Variants in TRIM9 observed in about 807,000 individuals in gnomAD.
TRIM9 encodes the protein E3 ubiquitin-protein ligase TRIM9.
A neutral mutation model predicts 78.3 loss-of-function variants in TRIM9; 26 were observed. That is an observed-to-expected ratio of 0.33 (90% CI 0.24 to 0.46). The LOEUF is 0.46. TRIM9 is among the 20% of genes least tolerant of loss of function. TRIM9 has a pLI of 1.00. For synonymous variants in TRIM9, 398 were observed against 416.5 expected, an observed-to-expected ratio of 0.96 and a Z score of 0.54; for missense variants, 787 against 1,036.4, an observed-to-expected ratio of 0.76 and a Z score of 3.30.
chr14:51,077,502 C>T (rs2062910520), intron 1 of TRIM9, among the ~76,000 whole-genome samples: 1 of 148,506 alleles, frequency 6.7e-6, no homozygotes, highest in Non-Finnish European at 1.5e-5. Flanking sequence ...AAGCAATTCT[C>T]CTGCCTCAGA....
chr14:51,031,165 A>AAG (rs35783894), intron 1 of TRIM9, among the ~76,000 whole-genome samples: 2 of 145,392 alleles, frequency 1.4e-5, no homozygotes, highest in Non-Finnish European at 3.1e-5. Context: ...AAAAAAAAAA[A>AAG]GAAAGAAAAG....
intron 1 of TRIM9, 98 bp downstream of exon 1, chr14:51,094,020 C>A: frequency 3.2e-6 from 4 of 1,265,014 alleles, no homozygotes; most frequent in Non-Finnish European, 3.3e-6. Context: ...ATTGCGCCCC[C>A]ACTGGGATGC....
intron 7 of TRIM9, among the ~76,000 whole-genome samples, chr14:50,987,682 T>C (rs1297523082): frequency 1.3e-5 from 2 of 152,214 alleles, no homozygotes; most frequent in African/African-American, 2.4e-5. Context: ...TTGAGTGTAA[T>C]AGAAAAATTC....
At position 50,986,038 on chromosome 14, in the gene TRIM9, G is replaced by T; in HGVS notation, c.1710C>A (p.Phe570Leu). Residue 570 changes from phenylalanine (F) to leucine (L), a missense_variant, in exon 8 of 13, where the codon TTC becomes TTA. By Grantham distance (22) the Phe-to-Leu change is conservative. Coordinates refer to ENST00000684578, the MANE Select transcript of TRIM9 (RefSeq NM_001387360.1). ...FSSTLNLQPSFPGRSYFDFRS... is the reference protein window; with the variant it reads ...FSSTLNLQPSLPGRSYFDFRS... Reference sequence around the variant, plus strand: ...GGAAATCAAAGTAGGATCTCCCGGGGAAGCTGGGTTGTAGATTAAGGGTGG... The same window carrying T: ...GGAAATCAAAGTAGGATCTCCCGGGTAAGCTGGGTTGTAGATTAAGGGTGG... The T allele has an allele frequency of 6.5e-7, 1 of 1,549,902 alleles. No individual in the cohort carries two copies. The highest frequency in any genetic ancestry group is 8.7e-7 in the Non-Finnish European group (1 of 1,146,630).
At position 51,042,958 on chromosome 14, in the gene TRIM9, A is replaced by T. The variant is rs114053151; in HGVS notation, c.823-17598T>A. Among the ~76,000 whole-genome samples the T allele has an allele frequency of 5.0e-3, 756 of 152,338 alleles. 9 individuals carry two copies. Among genetic ancestry groups the T allele is most frequent in the African/African-American group, 0.017 (722 of 41,578 alleles). Reference sequence around the variant, plus strand: ...TATATACATATACATACATGTCTCTATATATCTATTCCTGGCATAAAATGT... The same window carrying T: ...TATATACATATACATACATGTCTCTTTATATCTATTCCTGGCATAAAATGT... On this transcript the variant is annotated intron_variant, in intron 1 of 12. Coordinates refer to ENST00000684578, the MANE Select transcript of TRIM9 (RefSeq NM_001387360.1).
chr14:51,085,066 C>T (rs1051086767), intron 1 of TRIM9, among the ~76,000 whole-genome samples: 2 of 152,146 alleles, frequency 1.3e-5, no homozygotes, highest in African/African-American at 2.4e-5. Context: ...TGATAGACAG[C>T]GCAGGCCAGA....
chr14:51,072,655 CTTT>C (rs147528947), intron 1 of TRIM9, among the ~76,000 whole-genome samples: 14 of 149,340 alleles, frequency 9.4e-5, no homozygotes, highest in East Asian at 8.0e-4. Context: ...CAATTTATTA[CTTT>C]TTTTTTTTTT....
At chr14:51,046,878 A>G (rs1203247854) in intron 1 of TRIM9, among the ~76,000 whole-genome samples, 1 of 152,264 alleles carries the variant, frequency 6.6e-6, no homozygotes, top group African/African-American at 2.4e-5. Context: ...TGCTTGGCAT[A>G]TCTTAAATGC....
chr14:50,983,070 T>C, intron 9 of TRIM9, 105 bp from the exon 10 acceptor site: 2 of 1,129,380 alleles, frequency 1.8e-6, no homozygotes, highest in African/African-American at 3.1e-5. Flanking sequence ...CCAAAAGGAC[T>C]CAATTTAAAA....
At chr14:51,079,843 G>A (rs1361139184) in intron 1 of TRIM9, among the ~76,000 whole-genome samples, 1 of 152,194 alleles carries the variant, frequency 6.6e-6, no homozygotes, top group Admixed American at 6.5e-5. Context: ...AGATGACCAG[G>A]AGGGAAGGCA....
At chr14:50,982,187 C>T (rs1008907986) in intron 10 of TRIM9, 84 bp from the exon 11 acceptor site, 26 of 1,485,314 alleles carry the variant, frequency 1.8e-5, no homozygotes, top group South Asian at 2.6e-5. Context: ...GGGTGAGGAG[C>T]GTTGTGTAGC....
At chr14:51,000,999 A>C (rs2054912239) in intron 5 of TRIM9, among the ~76,000 whole-genome samples, 159 bp from the exon 6 acceptor site, 1 of 152,150 alleles carries the variant, frequency 6.6e-6, no homozygotes, top group Admixed American at 6.5e-5. Flanking sequence ...CCCAGGAGTC[A>C]GACTGGCTCC....
chr14:51,082,824 T>C (rs2063422935), intron 1 of TRIM9, among the ~76,000 whole-genome samples: 2 of 152,182 alleles, frequency 1.3e-5, no homozygotes, highest in Admixed American at 6.5e-5. Context: ...CACCTCAACT[T>C]TGTCAGGAGG....
intron 3 of TRIM9, among the ~76,000 whole-genome samples, chr14:51,015,510 T>C (rs113704583): frequency 0.023 from 1,381 of 59,604 alleles, 21 homozygotes; most frequent in African/African-American, 0.073. Flanking sequence ...CTTTTCTTTT[T>C]TTTTTTTTTT....
rs190526467 is a variant in TRIM9 at position 50,982,765 on chromosome 14, C to T, written c.1858+177G>A. On this transcript the variant is annotated intron_variant, in intron 10 of 12. Coordinates refer to ENST00000684578, the MANE Select transcript of TRIM9 (RefSeq NM_001387360.1). ...AATTTTGCTGGAGCAGTAGGAATTTCGGACATTAGGTGCAGATAGAATGAT... is the reference window on the plus strand; with the variant it reads ...AATTTTGCTGGAGCAGTAGGAATTTTGGACATTAGGTGCAGATAGAATGAT... The T allele has an allele frequency of 8.5e-5, 47 of 555,738 alleles. No individual in the cohort carries two copies. In the East Asian group the frequency reaches 1.3e-3, roughly 15 times the overall value. 34.4% of individuals were successfully genotyped at this position (555,738 alleles called of 1,614,324 possible).
At position 51,044,469 on chromosome 14, in the gene TRIM9, A is replaced by T. The variant is rs563021295; in HGVS notation, c.823-19109T>A. Among the ~76,000 whole-genome samples the T allele has an allele frequency of 8.3e-4, 127 of 152,324 alleles. 1 individual carries two copies. Among genetic ancestry groups the T allele is most frequent in the Middle Eastern group, 3.4e-3 (1 of 294 alleles). ...AGAGGGGTTTCTGAGAAAGTCCTTT[A>T]AAGGGAACTGATTCAGATGGGTGGT... On this transcript the variant is annotated intron_variant, in intron 1 of 12. Coordinates refer to ENST00000684578, the MANE Select transcript of TRIM9 (RefSeq NM_001387360.1).
At chr14:51,088,185 CAT>C (rs1170373252) in intron 1 of TRIM9, among the ~76,000 whole-genome samples, 1 of 152,174 alleles carries the variant, frequency 6.6e-6, no homozygotes, top group East Asian at 1.9e-4. Context: ...TTCTAATCTA[CAT>C]AGACAAGAAA....
At chr14:51,006,103 G>T (rs1234668090) in intron 5 of TRIM9, among the ~76,000 whole-genome samples, 1 of 152,190 alleles carries the variant, frequency 6.6e-6, no homozygotes, top group Non-Finnish European at 1.5e-5. Context: ...GAGTCAAGAA[G>T]TAAACAGATA....
At chr14:51,038,174 G>A (rs749713945) in intron 1 of TRIM9, among the ~76,000 whole-genome samples, 1 of 152,110 alleles carries the variant, frequency 6.6e-6, no homozygotes, top group Non-Finnish European at 1.5e-5. Flanking sequence ...TAAAAGCAGA[G>A]GAACTTTCCT....
Sources: gnomAD v4.1 joint callset for allele counts (sites outside exome capture counted in the v4.1 genomes callset) on GRCh38, gnomAD v4.1.1 for gene constraint, MANE v1.5 for transcripts, NCBI Gene and HGNC (gene_info 2026-07-23, HGNC 2026-07-21) for gene names.